NUP214: variants seen among roughly 807,000 people sequenced by gnomAD.
NUP214 encodes nuclear pore complex protein Nup214.
NUP214 carries 79 observed loss-of-function variants against 196.2 expected under a neutral mutation model. That is an observed-to-expected ratio of 0.40 (90% confidence interval 0.34 to 0.49). The LOEUF (loss-of-function observed/expected upper bound fraction) is 0.49. Among genes scored for constraint, NUP214 ranks in the 20% least tolerant of loss-of-function variants. NUP214 has a pLI of 0.58. For missense variants in NUP214, 2,468 were observed against 2,539.0 expected, an observed-to-expected ratio of 0.97 and a Z score of 0.60; for synonymous variants, 1,020 against 990.5, an observed-to-expected ratio of 1.03 and a Z score of -0.56.
At position 131,198,559 on chromosome 9, in the gene NUP214, C is replaced by A. The variant is rs755500530; in HGVS notation, c.5065C>A (p.Gln1689Lys). 3.7e-6 allele frequency: 6 copies of A among 1,614,236 alleles called. No homozygotes were observed. The highest frequency in any genetic ancestry group is 5.1e-6 in the Non-Finnish European group (6 of 1,180,038). The change falls in exon 29 of 36, where the codon CAG becomes AAG. Residue 1689 changes from glutamine to lysine, a missense_variant. Physicochemically the swap from Gln to Lys is moderately conservative, Grantham distance 53. Transcript: ENST00000359428. ...CACCGCACCAAGTCTGTTTGGGCAG[C>A]AGACTGGTAGCACAGCCAGCACAGC... ...ASTAPSLFGQ[Q>K]TGSTASTAAA...
rs201153098 is a variant in NUP214, at chr9:131,140,677, T to G, written c.1261T>G (p.Ser421Ala). The G allele has an allele frequency of 6.2e-7, 1 of 1,613,996 alleles. No individual in the cohort carries two copies. The highest frequency in any genetic ancestry group is 2.2e-5 in the East Asian group (1 of 44,886). Reference protein sequence around the residue: ...KSLIKTPERLSLEGERQPKSP... With the variant: ...KSLIKTPERLALEGERQPKSP... ...TCTCATCAAAACACCAGAGCGACTT[T>G]CATTAGAAGGAGAGCGACAGCCCAA... Residue 421 changes from serine to alanine, a missense_variant, in exon 11 of 36, where the codon TCA becomes GCA. By Grantham distance (99) the Ser-to-Ala change is moderately conservative. This residue lies in a region of NUP214 where 1,801 missense variants were observed against 1,779.4 expected (regional missense o/e 1.01). Coordinates refer to ENST00000359428, the MANE Select transcript of NUP214 (RefSeq NM_005085.4).
At chr9:131,135,055 C>A in intron 8 of NUP214, 51 bp downstream of exon 8, 2 of 1,193,730 alleles carry the variant, frequency 1.7e-6, no homozygotes, top group Non-Finnish European at 2.5e-6. Context: ...GAAGATCACA[C>A]CTGAGTCACC....
chr9:131,143,278 G>A (rs972101418), intron 11 of NUP214, among the ~76,000 whole-genome samples: 5 of 151,928 alleles, frequency 3.3e-5, no homozygotes, highest in African/African-American at 1.2e-4. Flanking sequence ...CAAAGCTCTG[G>A]GATTACAGGC....
At chr9:131,222,668 C>T in intron 31 of NUP214, 110 bp from the exon 32 acceptor site, 1 of 1,331,356 alleles carries the variant, frequency 7.5e-7, no homozygotes, top group Admixed American at 2.3e-5. Context: ...TTCTAGGCGG[C>T]TTGTCACTCC....
In NUP214 at chr9:131,189,036, C is replaced by T. The variant is rs1300716086; in HGVS notation, c.3496-17C>T. The T allele has an allele frequency of 2.5e-5, 40 of 1,590,126 alleles. No homozygotes were observed. Among genetic ancestry groups the T allele is most frequent in the Non-Finnish European group, 3.5e-5 (40 of 1,158,954 alleles). On this transcript the variant is annotated splice_polypyrimidine_tract_variant and intron_variant, in intron 25 of 35. Transcript: ENST00000359428. ...TTAGTGGTTTAACATAAACATTTTG[C>T]TTGCATTCTGTTATAGGGGTCTCTA...
At chr9:131,126,492 T>A (rs1221423442) in intron 1 of NUP214, 1 of 151,992 alleles carries the variant, frequency 6.6e-6, no homozygotes, top group Non-Finnish European at 1.5e-5. Flanking sequence ...GGCATCTGTG[T>A]GAACAATAAA....
At chr9:131,167,394 G>A (rs1370288074) in intron 21 of NUP214, 1 of 152,132 alleles carries the variant, frequency 6.6e-6, no homozygotes, top group African/African-American at 2.4e-5. Flanking sequence ...TTTCCTGTTG[G>A]ACATGTGCTG....
intron 29 of NUP214, among the ~76,000 whole-genome samples, chr9:131,200,313 C>T (rs1163953853): frequency 1.3e-5 from 2 of 152,242 alleles, no homozygotes; most frequent in Non-Finnish European, 2.9e-5. Context: ...TGGCGACTGA[C>T]GCCTGTAATC....
intron 25 of NUP214, among the ~76,000 whole-genome samples, chr9:131,187,701 A>G (rs1260141936): frequency 6.6e-6 from 1 of 152,142 alleles, no homozygotes; most frequent in Non-Finnish European, 1.5e-5. Flanking sequence ...TTTTACTTTT[A>G]ACATTCATGC....
rs1832277835 is a variant in NUP214 at position 131,151,853 on chromosome 9, T to C, written c.2395T>C (p.Tyr799His). 1.2e-6 allele frequency: 2 copies of C among 1,613,274 alleles called. No individual in the cohort carries two copies. Among genetic ancestry groups the C allele is most frequent in the Non-Finnish European group, 1.7e-6 (2 of 1,179,856 alleles). The stretch of plus-strand genomic sequence containing the variant: ...TGACTCTGGTTATCTGCATTTGCTT[T>C]ATAAAAGACCACTGGATCCCAAGAG... Reference protein sequence around the residue: ...NRDSGYLHLLYKRPLDPKSEA... With the variant: ...NRDSGYLHLLHKRPLDPKSEA... The change falls in exon 17 of 36, where the codon TAT becomes CAT. Residue 799 changes from tyrosine (Y) to histidine (H), a missense_variant. By Grantham distance (83) the Tyr-to-His change is moderately conservative. This residue lies in a region of NUP214 where 1,801 missense variants were observed against 1,779.4 expected (regional missense o/e 1.01). Transcript: ENST00000359428.
intron 21 of NUP214, among the ~76,000 whole-genome samples, chr9:131,172,506 C>T (rs1240724574): frequency 6.6e-6 from 1 of 152,100 alleles, no homozygotes; most frequent in Non-Finnish European, 1.5e-5. Context: ...TTGTAGGTTG[C>T]CTGTTCACTC....
intron 4 of NUP214, 24 bp from the exon 5 acceptor site, chr9:131,130,741 AT>A (rs1564176601): frequency 6.2e-7 from 1 of 1,610,226 alleles, no homozygotes; most frequent in South Asian, 1.1e-5. Flanking sequence ...TCTTGTTTTC[AT>A]TTGGTAATAC....
chr9:131,207,327 A>G (rs1294052993), intron 30 of NUP214, among the ~76,000 whole-genome samples: 2 of 152,322 alleles, frequency 1.3e-5, no homozygotes, highest in South Asian at 2.1e-4. Flanking sequence ...TCTTCACAGT[A>G]TCTGTGATCT....
In NUP214 at chr9:131,178,394, C is replaced by G. The variant is rs763565204; in HGVS notation, c.3403C>G (p.Pro1135Ala). Residue 1135 changes from proline to alanine, a missense_variant, in exon 24 of 36, where the codon CCT becomes GCT. By Grantham distance (27) the Pro-to-Ala change is conservative. Coordinates refer to ENST00000359428, the MANE Select transcript of NUP214 (RefSeq NM_005085.4). The stretch of plus-strand genomic sequence containing the variant: ...GGAATTGAAGAATAACCCTGCAACC[C>G]CTTCTACAGCCATGGGGTATGTTCT... Reference protein sequence around the residue: ...VQELKNNPATPSTAMGSSVPY... With the variant: ...VQELKNNPATASTAMGSSVPY... The G allele has an allele frequency of 6.2e-7, 1 of 1,612,596 alleles. No homozygotes were observed. Among genetic ancestry groups the G allele is most frequent in the African/African-American group, 1.3e-5 (1 of 75,008 alleles).
rs139267893 is a variant in NUP214, at chr9:131,198,634, G to A, written c.5140G>A (p.Gly1714Ser). Residue 1714 changes from glycine (G) to serine (S), a missense_variant, in exon 29 of 36, where the codon GGT (glycine) becomes AGT (serine). Gly to Ser is a moderately conservative substitution (Grantham distance 56). This residue lies in a region of NUP214 where 1,801 missense variants were observed against 1,779.4 expected (regional missense o/e 1.01). Coordinates refer to ENST00000359428, the MANE Select transcript of NUP214 (RefSeq NM_005085.4). ...CTCAGGGTTTAGCAGCCCAGCTTTTGGTACCACAGCCCCAGGGGTCTTTGG... is the reference window on the plus strand; with the variant it reads ...CTCAGGGTTTAGCAGCCCAGCTTTTAGTACCACAGCCCCAGGGGTCTTTGG... ...SSSGFSSPAFGTTAPGVFGQT... is the reference protein window; with the variant it reads ...SSSGFSSPAFSTTAPGVFGQT... The A allele has an allele frequency of 9.5e-5, 154 of 1,614,118 alleles. No homozygotes were observed. The highest frequency in any genetic ancestry group is 1.2e-4 in the Non-Finnish European group (147 of 1,180,048).
chr9:131,198,169 A>C lies in NUP214; in HGVS notation c.4675A>C (p.Ser1559Arg). Residue 1559 changes from serine (S) to arginine (R), a missense_variant, in exon 29 of 36, where the codon AGT becomes CGT. This residue lies in a region of NUP214 where 1,801 missense variants were observed against 1,779.4 expected (regional missense o/e 1.01). Coordinates refer to ENST00000359428, the MANE Select transcript of NUP214 (RefSeq NM_005085.4). The part of the protein sequence containing the change: ...SNSGTAASST[S>R]LVALSAEATP... ...CTCTGGCACTGCAGCATCTAGTACT[A>C]GTCTTGTAGCACTTTCTGCAGAGGC... 6.2e-7 allele frequency: 1 copy of C among 1,614,178 alleles called. No individual in the cohort carries two copies. The highest frequency in any genetic ancestry group is 8.5e-7 in the Non-Finnish European group (1 of 1,180,024).
At chr9:131,211,705 G>A (rs916012610) in intron 30 of NUP214, among the ~76,000 whole-genome samples, 12 of 152,174 alleles carry the variant, frequency 7.9e-5, no homozygotes, top group Non-Finnish European at 7.3e-5. Flanking sequence ...TGTCATGGAC[G>A]TTTATCACTT....
intron 30 of NUP214, among the ~76,000 whole-genome samples, chr9:131,206,227 C>T (rs1165705820): frequency 7.1e-6 from 1 of 140,834 alleles, no homozygotes; most frequent in Non-Finnish European, 1.5e-5. Context: ...CTCACTGCAA[C>T]CTTTGCCTCC....
chr9:131,160,583 G>GA (rs1832602719), intron 18 of NUP214, among the ~76,000 whole-genome samples: 1 of 152,186 alleles, frequency 6.6e-6, no homozygotes, highest in Non-Finnish European at 1.5e-5. Context: ...TTAGATTTCT[G>GA]AAACACCTAC....
Sources: allele counts gnomAD v4.1 joint callset (sites outside exome capture counted in the v4.1 genomes callset), GRCh38; gene constraint gnomAD v4.1.1; regional missense constraint gnomAD v4.1.1; transcripts MANE v1.5; gene names NCBI Gene and HGNC (gene_info 2026-07-23, HGNC 2026-07-21).